The following DDB2 variants were observed in gnomAD, a reference collection of about 807,000 sequenced individuals.
DDB2 encodes damage specific DNA binding protein 2.
Under a neutral mutation model 50.5 loss-of-function variants are expected in DDB2, and 27 were observed. The observed-to-expected ratio is 0.53, with a 90% CI of 0.39 to 0.74. The LOEUF (loss-of-function observed/expected upper bound fraction) is 0.74, where lower values mean the gene tolerates loss of function less well. Ranked by LOEUF, DDB2 falls within the 30% of genes least tolerant of loss-of-function variation. The pLI is 0.00. For missense variants in DDB2, 424 were observed against 545.6 expected, an observed-to-expected ratio of 0.78 and a Z score of 2.22; for synonymous variants, 176 against 205.5, an observed-to-expected ratio of 0.86 and a Z score of 1.23.
chr11:47,224,407 A>G (rs1476720205), intron 3 of DDB2, among the ~76,000 whole-genome samples: 1 of 151,468 alleles, frequency 6.6e-6, no homozygotes, highest in Non-Finnish European at 1.5e-5. Context: ...TTTTGTATTT[A>G]TTTATTTTTA....
chr11:47,234,556 A>T lies in DDB2; in HGVS notation c.603-17A>T. The T allele has an allele frequency of 6.2e-7, 1 of 1,608,302 alleles. No individual in the cohort carries two copies. Among genetic ancestry groups the T allele is most frequent in the Non-Finnish European group, 8.5e-7 (1 of 1,174,696 alleles). ...TCTCTGTCCCCAAGAATCTTACAACACAGTCTCTCCCTCCAGCATCTGGTT... is the reference window on the plus strand; with the variant it reads ...TCTCTGTCCCCAAGAATCTTACAACTCAGTCTCTCCCTCCAGCATCTGGTT... On this transcript the variant is annotated splice_polypyrimidine_tract_variant and intron_variant, in intron 4 of 9. Transcript: ENST00000256996.
intron 3 of DDB2, among the ~76,000 whole-genome samples, chr11:47,218,620 C>T (rs925056193): frequency 2.6e-5 from 4 of 152,086 alleles, no homozygotes; most frequent in South Asian, 2.1e-4. Context: ...GTGAGTGTGT[C>T]GTCCCCTCTA....
upstream of DDB2, chr11:47,214,941 T>TCTCCGAGACGGGTGGGGCCGGAG: frequency 1.4e-6 from 1 of 710,168 alleles, no homozygotes; most frequent in Non-Finnish European, 2.3e-6. Context: ...AGGGGCGGGG[T>TCTCCGAGACGGGTGGGGCCGGAG]CTCCGAGACG....
intron 1 of DDB2, 127 bp from the exon 2 acceptor site, chr11:47,216,209 A>G: frequency 7.0e-7 from 1 of 1,425,726 alleles, no homozygotes; most frequent in South Asian, 1.2e-5. Flanking sequence ...ACAGACATGG[A>G]AAGGCCGCAG....
At chr11:47,216,083 A>T in intron 1 of DDB2, 1 of 592,456 alleles carries the variant, frequency 1.7e-6, no homozygotes, top group East Asian at 3.0e-5. Context: ...CTGGGGTCTC[A>T]GGAACCCTGC....
Position 47,232,728 on chromosome 11 carries a change from TGTGACG to T in DDB2, c.457-84_457-79del, listed in dbSNP as rs1953666366. The T allele has an allele frequency of 2.7e-6, 4 of 1,497,720 alleles. No individual in the cohort carries two copies. The African/African-American group carries it at 5.5e-5, about 21-fold the overall frequency. The allele number at this position is 1,497,720 out of a possible 1,614,324, so 92.8% of individuals were successfully genotyped here. On this transcript the variant is annotated intron_variant, in intron 3 of 9. Transcript: ENST00000256996. ...CCAAGCGCTGCTCGAGGGGTGCTTC[TGTGACG>T]GCGCAGCATGTGTGCCCAGGCCTGG... is the stretch of plus-strand genomic sequence containing the variant.
chr11:47,215,502 C>G (rs183492533), intron 1 of DDB2: 5 of 557,514 alleles, frequency 9.0e-6, no homozygotes, highest in Admixed American at 8.7e-5. Flanking sequence ...TTGTCAGATT[C>G]CTTGTTCGTA....
In DDB2 at chr11:47,238,943, A is replaced by G; in HGVS notation, c.*94A>G. The G allele has an allele frequency of 5.9e-6, 8 of 1,350,210 alleles. No homozygotes were observed. The South Asian group carries it at 9.6e-5, about 16-fold the overall frequency. The allele number at this position is 1,350,210 out of a possible 1,614,324, so 83.6% of individuals were successfully genotyped here. On this transcript the variant is annotated 3_prime_UTR_variant, in exon 10 of 10. Coordinates refer to ENST00000256996, the MANE Select transcript of DDB2 (RefSeq NM_000107.3). Reference sequence around the variant, plus strand: ...AGAGGTGGCGATTTGTTAAAGGGCCAAAAGTATCCAAGGTTAGGGTTGGAG... The same window carrying G: ...AGAGGTGGCGATTTGTTAAAGGGCCGAAAGTATCCAAGGTTAGGGTTGGAG...
At chr11:47,222,692 C>T (rs1953503808) in intron 3 of DDB2, among the ~76,000 whole-genome samples, 1 of 152,080 alleles carries the variant, frequency 6.6e-6, no homozygotes, top group Non-Finnish European at 1.5e-5. Flanking sequence ...TGTTCAAGGA[C>T]ATTTGAATTT....
At chr11:47,216,836 A>G in intron 2 of DDB2, 22 bp from the exon 3 acceptor site, 1 of 1,612,586 alleles carries the variant, frequency 6.2e-7, no homozygotes, top group Admixed American at 1.7e-5. Context: ...AATTCAACCT[A>G]ATTCATTTCT....
intron 1 of DDB2, 42 bp from the exon 2 acceptor site, chr11:47,216,294 T>C (rs1172850451): frequency 1.9e-6 from 3 of 1,613,924 alleles, no homozygotes; most frequent in Admixed American, 1.7e-5. Flanking sequence ...GAAAAACCTT[T>C]CGTGAGATTG....
rs936604357 is a variant in DDB2, at chr11:47,238,228, C to G, written c.1234+45C>G. 8 of 1,556,774 alleles carry G rather than the reference C, an allele frequency of 5.1e-6. No individual in the cohort carries two copies. In the African/African-American group the frequency reaches 9.5e-5, roughly 18 times the overall value. On this transcript the variant is annotated intron_variant, in intron 9 of 9. Transcript: ENST00000256996. ...CTCTGACTTGCCAAGTCCGATCCTA[C>G]TTCCCAAGGTTCAGTGCGGGCCAGC... is the stretch of plus-strand genomic sequence containing the variant.
intron 1 of DDB2, chr11:47,215,801 T>C (rs1172442712): frequency 3.7e-6 from 1 of 267,912 alleles, no homozygotes; most frequent in Non-Finnish European, 7.3e-6. Context: ...CCTATAGTGA[T>C]TGGGTCCTCA....
Position 47,228,536 on chromosome 11 carries a change from G to A in DDB2, c.457-4278G>A, listed in dbSNP as rs190451394. Among the ~76,000 whole-genome samples, 214 of 150,874 alleles carry A rather than the reference G, an allele frequency of 1.4e-3. 2 individuals are homozygous for A. The highest frequency in any genetic ancestry group is 4.8e-3 in the African/African-American group (199 of 41,064). ...CAGGTACCTGTAATCCCAGCTACTCGGGAGGCTGAGGCAGGAGAATTGCTT... is the reference window on the plus strand; with the variant it reads ...CAGGTACCTGTAATCCCAGCTACTCAGGAGGCTGAGGCAGGAGAATTGCTT... On this transcript the variant is annotated intron_variant, in intron 3 of 9. Coordinates refer to ENST00000256996, the MANE Select transcript of DDB2 (RefSeq NM_000107.3).
chr11:47,234,473 T>C, intron 4 of DDB2, 100 bp from the exon 5 acceptor site: 1 of 902,450 alleles, frequency 1.1e-6, no homozygotes, highest in South Asian at 1.3e-5. Flanking sequence ...AACAAATATT[T>C]ATTGAATGCC....
At chr11:47,238,027 A>G (rs766169088) in intron 8 of DDB2, 26 bp downstream of exon 8, 1 of 1,614,096 alleles carries the variant, frequency 6.2e-7, no homozygotes, top group Non-Finnish European at 8.5e-7. Context: ...TCAAATAATG[A>G]TGGGAGGAAG....
At chr11:47,219,852 A>T (rs560713538) in intron 3 of DDB2, among the ~76,000 whole-genome samples, 1 of 152,122 alleles carries the variant, frequency 6.6e-6, no homozygotes, top group African/African-American at 2.4e-5. Flanking sequence ...CAGTGGCGCA[A>T]TCTCGGCTCA....
rs914567481 is a variant in DDB2, at chr11:47,235,282, C to T, written c.893C>T (p.Pro298Leu). The change falls in exon 7 of 10, where the codon CCC becomes CTC. Residue 298 changes from proline (P) to leucine (L), a missense_variant. Pro to Leu is a moderately conservative substitution (Grantham distance 98). Transcript: ENST00000256996. The stretch of plus-strand genomic sequence containing the variant: ...TTCACTTTGCCAGCTTGTTTCAGTC[C>T]CGATGGAGCCCGGCTCCTGACCACG... ...RHPVNAACFS[P>L]DGARLLTTDQ... 1 of 1,614,100 alleles carries T rather than the reference C, an allele frequency of 6.2e-7. No homozygotes were observed. The highest frequency in any genetic ancestry group is 8.5e-7 in the Non-Finnish European group (1 of 1,180,048).
In DDB2 at chr11:47,238,889, G is replaced by GCCCACACATGGGAT. The variant is rs1185903573; in HGVS notation, c.*42_*55dup. The GCCCACACATGGGAT allele has an allele frequency of 6.2e-7, 1 of 1,604,426 alleles. No individual in the cohort carries two copies. The highest frequency in any genetic ancestry group is 1.1e-5 in the South Asian group (1 of 90,808). ...GGTGTGGGCCAGACAAGGCCTTGGA[G>GCCCACACATGGGAT]CCCACACATGGGATCAAGTCCTGCA... On this transcript the variant is annotated 3_prime_UTR_variant, in exon 10 of 10. Transcript: ENST00000256996.
Sources: gnomAD v4.1 joint callset for allele counts (sites outside exome capture counted in the v4.1 genomes callset) on GRCh38, gnomAD v4.1.1 for gene constraint, MANE v1.5 for transcripts, NCBI Gene and HGNC (gene_info 2026-07-23, HGNC 2026-07-21) for gene names.